The following RTN2 variants were observed in gnomAD, a reference collection of about 807,000 sequenced individuals.
RTN2 encodes the protein reticulon-2.
RTN2 carries 36 observed loss-of-function variants against 63.7 expected under a neutral mutation model. The ratio of observed to expected loss-of-function variants is 0.56; its 90% CI spans 0.43 to 0.75. The LOEUF (loss-of-function observed/expected upper bound fraction) is 0.75. Among genes scored for constraint, RTN2 ranks in the 30% least tolerant of loss-of-function variants. The pLI is 0.00. For synonymous variants in RTN2, 312 were observed against 313.0 expected (o/e 1.00, Z 0.03); for missense variants, 673 against 705.1 (o/e 0.95, Z 0.52).
intron 1 of RTN2, among the ~76,000 whole-genome samples, chr19:45,495,965 C>T (rs575659239): frequency 3.3e-5 from 5 of 152,248 alleles, no homozygotes; most frequent in African/African-American, 1.2e-4. Context: ...CATCTGGACA[C>T]GCGAGACATG....
intron 5 of RTN2, among the ~76,000 whole-genome samples, chr19:45,491,204 T>A (rs1171976638): frequency 4.0e-5 from 6 of 151,554 alleles, no homozygotes; most frequent in South Asian, 4.2e-4. Context: ...TTTTTTTTTT[T>A]TTATTTTTAG....
chr19:45,489,271 G>A (rs1968097858), intron 6 of RTN2, 75 bp downstream of exon 6: 11 of 1,375,732 alleles, frequency 8.0e-6, no homozygotes, highest in South Asian at 3.8e-5. Flanking sequence ...GGTGGGAGTC[G>A]GTGCCTGATT....
At chr19:45,496,291 G>A (rs1188130919) in intron 1 of RTN2, among the ~76,000 whole-genome samples, 10 of 152,234 alleles carry the variant, frequency 6.6e-5, no homozygotes, top group African/African-American at 2.4e-4. Flanking sequence ...AAGAACCCAT[G>A]AGTCCTTGCC....
intron 9 of RTN2, 129 bp downstream of exon 9, chr19:45,488,342 G>A (rs1968072233): frequency 4.8e-6 from 4 of 841,326 alleles, no homozygotes; most frequent in Non-Finnish European, 5.8e-6. Context: ...TGGTTGTATT[G>A]GGAAGGTGCT....
chr19:45,492,788 G>A (rs1968187358), intron 5 of RTN2, among the ~76,000 whole-genome samples: 2 of 152,182 alleles, frequency 1.3e-5, no homozygotes, highest in Admixed American at 1.3e-4. Context: ...GGCTCCTAGT[G>A]GCCGGCGCCG....
chr19:45,494,384 G>A lies in RTN2; in HGVS notation c.596C>T (p.Ser199Leu), dbSNP rs1200276610. Residue 199 changes from serine to leucine, a missense_variant, in exon 4 of 11, where the codon TCG becomes TTG. Transcript: ENST00000245923. This position sits in a 1 kb window ranked among gnomAD's most constrained non-coding sequence, Gnocchi z 5.3. Reference protein sequence around the residue: ...DLRLRLAQPSSPEVLTPQLSP... With the variant: ...DLRLRLAQPSLPEVLTPQLSP... ...GAGCTGGGGAGTCAAGACCTCGGGCGATGAGGGCTGAGCAAGTCGGAGTCG... is the reference window on the plus strand; with the variant it reads ...GAGCTGGGGAGTCAAGACCTCGGGCAATGAGGGCTGAGCAAGTCGGAGTCG... The A allele has an allele frequency of 6.2e-7, 1 of 1,613,990 alleles. No individual in the cohort carries two copies. The highest frequency in any genetic ancestry group is 1.1e-5 in the South Asian group (1 of 91,082).
chr19:45,491,454 G>A (rs529333639), intron 5 of RTN2, among the ~76,000 whole-genome samples: 3 of 149,800 alleles, frequency 2.0e-5, no homozygotes, highest in South Asian at 2.1e-4. Flanking sequence ...TCTGCCTCCC[G>A]AGTTCAAGAG....
chr19:45,493,632 T>C (rs1968208596), intron 4 of RTN2, among the ~76,000 whole-genome samples: 1 of 151,708 alleles, frequency 6.6e-6, no homozygotes, highest in Non-Finnish European at 1.5e-5. Flanking sequence ...AGTTTACTTA[T>C]AAATATTCTA....
chr19:45,496,768 A>G, intron 1 of RTN2, 24 bp downstream of exon 1: 1 of 1,484,646 alleles, frequency 6.7e-7, no homozygotes, highest in Non-Finnish European at 9.0e-7. Context: ...GGCCCACACC[A>G]GGCCCCAGTC....
intron 1 of RTN2, 198 bp from the exon 2 acceptor site, chr19:45,495,337 T>C: frequency 1.6e-6 from 1 of 633,724 alleles, no homozygotes; most frequent in Non-Finnish European, 2.7e-6. Flanking sequence ...AATCTTAGAG[T>C]CTTCAAAGTA....
chr19:45,492,774 G>A (rs775719522), intron 5 of RTN2, among the ~76,000 whole-genome samples: 4 of 152,164 alleles, frequency 2.6e-5, no homozygotes, highest in Non-Finnish European at 2.9e-5. Flanking sequence ...GGCCCTCCCA[G>A]GCAGGCTCCT....
rs34799041 is a variant in RTN2 at position 45,487,032 on chromosome 19, C to CTTT, written c.1498-922_1498-920dup. Among the ~76,000 whole-genome samples, 72 of 39,180 alleles carry CTTT rather than the reference C, an allele frequency of 1.8e-3. 18 individuals carry two copies. The highest frequency in any genetic ancestry group is 4.2e-3 in the African/African-American group (43 of 10,196). 25.7% of individuals were successfully genotyped at this position (39,180 alleles called of 152,430 possible). On this transcript the variant is annotated intron_variant, in intron 9 of 10. Transcript: ENST00000245923. ...ACAAGCGTGAGCCACCATGCCCAGC[C>CTTT]TTTTTTTTTTTTTTTTTTTTTTTTT...
At position 45,495,140 on chromosome 19, in the gene RTN2, C is replaced by T. The variant is rs146990482; in HGVS notation, c.35-1G>A. 1 of 1,614,078 alleles carries T rather than the reference C, an allele frequency of 6.2e-7. No individual in the cohort carries two copies. Among genetic ancestry groups the T allele is most frequent in the Non-Finnish European group, 8.5e-7 (1 of 1,180,012 alleles). On this transcript the variant is annotated splice_acceptor_variant, in intron 1 of 10. Coordinates refer to ENST00000245923, the MANE Select transcript of RTN2 (RefSeq NM_005619.5). LOFTEE classifies it high-confidence loss of function. Reference sequence around the variant, plus strand: ...GAGGAGGCTGTAGACGGAGCTTCTTCTGCGAGAGGGAAAGAATCGAAGACT... The same window carrying T: ...GAGGAGGCTGTAGACGGAGCTTCTTTTGCGAGAGGGAAAGAATCGAAGACT...
chr19:45,491,880 C>T (rs987720414), intron 5 of RTN2, among the ~76,000 whole-genome samples: 1 of 151,950 alleles, frequency 6.6e-6, no homozygotes, highest in Non-Finnish European at 1.5e-5. Flanking sequence ...CCTCCCACCT[C>T]GGCCTCCCAA....
intron 9 of RTN2, among the ~76,000 whole-genome samples, chr19:45,487,032 C>CTTTTTTTTTTTTTAT (rs1968039782): frequency 2.6e-5 from 1 of 39,178 alleles, no homozygotes; most frequent in Non-Finnish European, 4.6e-5. Flanking sequence ...CATGCCCAGC[C>CTTTTTTTTTTTTTAT]TTTTTTTTTT....
chr19:45,493,626 T>C (rs1968208456), intron 4 of RTN2, among the ~76,000 whole-genome samples: 1 of 150,938 alleles, frequency 6.6e-6, no homozygotes, highest in African/African-American at 2.4e-5. Context: ...GCACAGAGTT[T>C]ACTTATAAAT....
intron 9 of RTN2, among the ~76,000 whole-genome samples, chr19:45,487,847 G>A (rs1273287703): frequency 6.6e-6 from 1 of 150,692 alleles, no homozygotes; most frequent in African/African-American, 2.4e-5. Context: ...GGAAGCTGAG[G>A]CAGGAGAATC....
chr19:45,488,335 T>C, intron 9 of RTN2, 136 bp downstream of exon 9: 6 of 791,802 alleles, frequency 7.6e-6, no homozygotes, highest in Non-Finnish European at 1.1e-5. Flanking sequence ...TAGACTCTGG[T>C]TGTATTGGGA....
rs200479692 is a variant in RTN2, at chr19:45,488,620, C to T, written c.1450+17G>A. On this transcript the variant is annotated intron_variant, in intron 8 of 10. Transcript: ENST00000245923. Reference sequence around the variant, plus strand: ...ACTCCAAGTCCCCATTTGCCCCTTACGGCCTTCCCAGCTCACCCAGAATGA... The same window carrying T: ...ACTCCAAGTCCCCATTTGCCCCTTATGGCCTTCCCAGCTCACCCAGAATGA... The T allele has an allele frequency of 2.6e-4, 423 of 1,613,628 alleles. No individual in the cohort carries two copies. Among genetic ancestry groups the T allele is most frequent in the African/African-American group, 3.5e-4 (26 of 74,912 alleles).
Sources: gnomAD v4.1 joint callset for allele counts (sites outside exome capture counted in the v4.1 genomes callset) on GRCh38, gnomAD v4.1.1 for gene constraint, Gnocchi (gnomAD v3.1) non-coding constraint, MANE v1.5 for transcripts, NCBI Gene and HGNC (gene_info 2026-07-23, HGNC 2026-07-21) for gene names.